The following FSTL5 variants were observed in gnomAD, a reference collection of about 807,000 sequenced individuals.
The protein encoded by FSTL5 is follistatin-related protein 5.
Under a neutral mutation model 89.1 loss-of-function variants are expected in FSTL5, and 62 were observed. That is an observed-to-expected ratio of 0.70 (90% confidence interval 0.57 to 0.86). FSTL5 has a LOEUF of 0.86. Ranked by LOEUF, FSTL5 falls within the 40% of genes least tolerant of loss-of-function variation. FSTL5 has a pLI of 0.00. For missense variants in FSTL5, 1,057 were observed against 1,001.6 expected (o/e 1.06, Z -0.75); for synonymous variants, 383 against 346.2 (o/e 1.11, Z -1.18).
At chr4:161,584,810 C>T (rs1255069300) in intron 8 of FSTL5, among the ~76,000 whole-genome samples, 1 of 152,162 alleles carries the variant, frequency 6.6e-6, no homozygotes, top group East Asian at 1.9e-4. Flanking sequence ...CTCTCCAAAC[C>T]CCATCCCTTC....
Position 162,080,810 on chromosome 4 carries a change from TA to T in FSTL5, c.126+30460del, listed in dbSNP as rs538877974. ...TGAGTTTGAGAAACAAACTATGCAGTAGATTAAATACAGGTGCTTCTAAAGC... is the reference window on the plus strand; with the variant it reads ...TGAGTTTGAGAAACAAACTATGCAGTGATTAAATACAGGTGCTTCTAAAGC... On this transcript the variant is annotated intron_variant, in intron 2 of 15. Coordinates refer to ENST00000306100, the MANE Select transcript of FSTL5 (RefSeq NM_020116.5). Among the ~76,000 whole-genome samples, 3 of 151,720 alleles carry T rather than the reference TA, an allele frequency of 2.0e-5. No homozygotes were observed. In the East Asian group the frequency reaches 5.8e-4, roughly 30 times the overall value.
chr4:161,545,384 C>A (rs1030487525), intron 8 of FSTL5, among the ~76,000 whole-genome samples: 6 of 151,990 alleles, frequency 3.9e-5, no homozygotes, highest in African/African-American at 1.4e-4. Context: ...AATAATAAGA[C>A]AACTTGAGAG....
At chr4:161,486,749 G>A (rs1353490902) in intron 12 of FSTL5, among the ~76,000 whole-genome samples, 1 of 152,066 alleles carries the variant, frequency 6.6e-6, no homozygotes, top group East Asian at 1.9e-4. Context: ...ACAGTCTTCT[G>A]TTTTCTTCAG....
At chr4:161,526,928 G>A (rs905855926) in intron 10 of FSTL5, among the ~76,000 whole-genome samples, 4 of 152,082 alleles carry the variant, frequency 2.6e-5, no homozygotes, top group Non-Finnish European at 2.9e-5. Context: ...TTGGTGATGC[G>A]GGCTCTTTTT....
intron 7 of FSTL5, among the ~76,000 whole-genome samples, chr4:161,619,579 C>T (rs1385143346): frequency 6.6e-6 from 1 of 152,160 alleles, no homozygotes; most frequent in Non-Finnish European, 1.5e-5. Context: ...AGCCAAAAAA[C>T]ATGAAAAAAT....
intron 1 of FSTL5, among the ~76,000 whole-genome samples, chr4:162,153,661 A>ATATATGTATATAATAAT (rs1733323447): frequency 1.3e-5 from 1 of 79,092 alleles, no homozygotes; most frequent in Non-Finnish European, 2.6e-5. Context: ...ATATGTATAT[A>ATATATGTATATAATAAT]ATATATGTAT....
At chr4:161,839,801 T>C (rs1358006991) in intron 4 of FSTL5, among the ~76,000 whole-genome samples, 2 of 152,188 alleles carry the variant, frequency 1.3e-5, no homozygotes, top group Non-Finnish European at 2.9e-5. Flanking sequence ...ACATAGTGTA[T>C]GCATTTGCTA....
At chr4:161,831,551 T>C (rs1424976018) in intron 4 of FSTL5, among the ~76,000 whole-genome samples, 1 of 151,884 alleles carries the variant, frequency 6.6e-6, no homozygotes, top group Non-Finnish European at 1.5e-5. Flanking sequence ...TAAAAACACA[T>C]CACGCTCATC....
At chr4:161,976,841 G>C (rs909479375) in intron 3 of FSTL5, among the ~76,000 whole-genome samples, 5 of 152,114 alleles carry the variant, frequency 3.3e-5, no homozygotes, top group African/African-American at 1.2e-4. Flanking sequence ...CTATGGAAAA[G>C]AAAAGGAAAG....
At chr4:162,071,205 A>T (rs1205382999) in intron 2 of FSTL5, among the ~76,000 whole-genome samples, 1 of 151,726 alleles carries the variant, frequency 6.6e-6, no homozygotes, top group Non-Finnish European at 1.5e-5. Context: ...ATTAATAAAA[A>T]TGAAATAAAA....
At chr4:161,781,918 C>T (rs1396538935) in intron 4 of FSTL5, among the ~76,000 whole-genome samples, 2 of 152,086 alleles carry the variant, frequency 1.3e-5, no homozygotes, top group African/African-American at 4.8e-5. Context: ...CTCCTGTAAC[C>T]CTTGGCAACC....
chr4:162,100,969 G>C (rs1730974993), intron 2 of FSTL5, among the ~76,000 whole-genome samples: 1 of 152,158 alleles, frequency 6.6e-6, no homozygotes, highest in Admixed American at 6.5e-5. Context: ...ACTTATTGTT[G>C]GGTGCTTCTA....
chr4:161,625,994 T>C (rs901152436), intron 7 of FSTL5, among the ~76,000 whole-genome samples: 5 of 152,096 alleles, frequency 3.3e-5, no homozygotes, highest in African/African-American at 9.7e-5. Context: ...AGAGAAAATT[T>C]GGAAGCTTTT....
intron 4 of FSTL5, among the ~76,000 whole-genome samples, chr4:161,871,043 AT>A (rs915237809): frequency 2.6e-5 from 4 of 152,048 alleles, no homozygotes; most frequent in East Asian, 1.9e-4. Context: ...CTTTCATAAT[AT>A]TTTTTTCCAG....
At chr4:161,406,318 T>C (rs1731372793) in intron 15 of FSTL5, among the ~76,000 whole-genome samples, 1 of 152,178 alleles carries the variant, frequency 6.6e-6, no homozygotes, top group Admixed American at 6.5e-5. Flanking sequence ...TATTTGTGAA[T>C]CGTCCAGCTT....
chr4:162,074,738 C>T (rs992015885), intron 2 of FSTL5, among the ~76,000 whole-genome samples: 1 of 151,634 alleles, frequency 6.6e-6, no homozygotes, highest in African/African-American at 2.4e-5. Flanking sequence ...AATTAACATA[C>T]GCATTACCTC....
intron 8 of FSTL5, among the ~76,000 whole-genome samples, chr4:161,583,729 C>A (rs942423303): frequency 4.6e-5 from 7 of 152,116 alleles, no homozygotes; most frequent in African/African-American, 1.7e-4. Flanking sequence ...TCCACAGAGT[C>A]CTTTATATAG....
chr4:161,958,923 T>C (rs1025320589), intron 3 of FSTL5, among the ~76,000 whole-genome samples: 1 of 152,178 alleles, frequency 6.6e-6, no homozygotes, highest in Non-Finnish European at 1.5e-5. Flanking sequence ...AGCCTTAGCC[T>C]TCCTAGATTC....
chr4:161,997,855 C>T (rs1041465524), intron 3 of FSTL5, among the ~76,000 whole-genome samples: 10 of 152,106 alleles, frequency 6.6e-5, no homozygotes, highest in Non-Finnish European at 1.5e-4. Context: ...CCGCCCACCT[C>T]GGCCTCCCAA....
Sources: gnomAD v4.1 joint callset for allele counts (sites outside exome capture counted in the v4.1 genomes callset) on GRCh38, gnomAD v4.1.1 for gene constraint, MANE v1.5 for transcripts, NCBI Gene and HGNC (gene_info 2026-07-23, HGNC 2026-07-21) for gene names.